The following C3orf52 variants were observed in gnomAD, a reference collection of about 807,000 sequenced individuals.
The protein encoded by C3orf52 is chromosome 3 open reading frame 52, also known as TPA-induced transmembrane protein.
Under a neutral mutation model 24.8 loss-of-function variants are expected in C3orf52, and 22 were observed. The ratio of observed to expected loss-of-function variants is 0.89; its 90% CI spans 0.63 to 1.27. C3orf52 has a LOEUF of 1.27. Among genes scored for constraint, C3orf52 ranks in the 50% most tolerant of loss-of-function variants. The probability of loss-of-function intolerance (pLI) is 0.00; values close to 1 mark genes in which losing one functional copy is unlikely to be tolerated. For synonymous variants in C3orf52, 93 were observed against 100.2 expected (o/e 0.93, Z 0.43); for missense variants, 265 against 260.7 (o/e 1.02, Z -0.11).
At chr3:112,130,388 C>CGAAGT, downstream of C3orf52, 1 of 1,400,018 alleles carries the variant, frequency 7.1e-7, no homozygotes, top group Non-Finnish European at 1.0e-6. Context: ...CAGGGCTTGA[C>CGAAGT]ATACTTCGTT....
Position 112,114,639 on chromosome 3 carries a change from G to T in C3orf52, c.649+1494G>T, listed in dbSNP as rs528218612. Among the ~76,000 whole-genome samples the T allele has an allele frequency of 3.9e-5, 6 of 152,172 alleles. 1 individual carries two copies. The highest frequency in any genetic ancestry group is 3.9e-4 in the Admixed American group (6 of 15,294). Reference sequence around the variant, plus strand: ...GAATCACTTGAACCTGGGAGGCAGAGGTTGCGGTGAGCCGAGATCGCATCA... The same window carrying T: ...GAATCACTTGAACCTGGGAGGCAGATGTTGCGGTGAGCCGAGATCGCATCA... On this transcript the variant is annotated intron_variant, in intron 5 of 5. Coordinates refer to ENST00000264848, the MANE Select transcript of C3orf52 (RefSeq NM_024616.3).
chr3:112,105,162 C>A (rs917370838), intron 3 of C3orf52, among the ~76,000 whole-genome samples: 14 of 152,170 alleles, frequency 9.2e-5, no homozygotes, highest in African/African-American at 3.4e-4. Context: ...GTGGTGGGTC[C>A]ACAGATTTCT....
chr3:112,127,025 A>T, intron 4 of C3orf52: 1 of 1,582,338 alleles, frequency 6.3e-7, no homozygotes, highest in Non-Finnish European at 8.7e-7. Flanking sequence ...AAAAATGAGT[A>T]TTTTTTTCCT....
chr3:112,109,828 G>A, intron 4 of C3orf52: 1 of 436,588 alleles, frequency 2.3e-6, no homozygotes, highest in Non-Finnish European at 4.2e-6. Flanking sequence ...CCAGATTAAT[G>A]GTATAATTCA....
chr3:112,109,843 G>T, intron 4 of C3orf52: 1 of 410,470 alleles, frequency 2.4e-6, no homozygotes, highest in East Asian at 4.0e-5. Flanking sequence ...AATTCAACCA[G>T]GGTCACACAG....
At chr3:112,112,533 C>A (rs1203704494) in intron 4 of C3orf52, 1 of 187,892 alleles carries the variant, frequency 5.3e-6, no homozygotes, top group African/African-American at 2.3e-5. Flanking sequence ...ATATCCCTGG[C>A]ACACCTTTGT....
rs565979410 is a variant in C3orf52, at chr3:112,096,382, A to G, written c.268+2893A>G. On this transcript the variant is annotated intron_variant, in intron 2 of 5. Coordinates refer to ENST00000264848, the MANE Select transcript of C3orf52 (RefSeq NM_024616.3). ...CCCAGGGCTTAAATACCACAGAAAA[A>G]GGGTATGCATGCTTCAGAAGGGATG... Among the ~76,000 whole-genome samples, 4 of 152,316 alleles carry G rather than the reference A, an allele frequency of 2.6e-5. No homozygotes were observed. The East Asian group carries it at 7.7e-4, about 29-fold the overall frequency.
chr3:112,114,577 G>A lies in C3orf52; in HGVS notation c.649+1432G>A, dbSNP rs577185406. Among the ~76,000 whole-genome samples the A allele has an allele frequency of 3.9e-5, 6 of 152,120 alleles. No homozygotes were observed. In the South Asian group the frequency reaches 1.0e-3, roughly 26 times the overall value. On this transcript the variant is annotated intron_variant, in intron 5 of 5. Transcript: ENST00000264848. ...AAATTAGCCGGGCATGGTGGCAGGTGCTTATAATCCCAGCTACTCGGGAGA... is the reference window on the plus strand; with the variant it reads ...AAATTAGCCGGGCATGGTGGCAGGTACTTATAATCCCAGCTACTCGGGAGA...
chr3:112,091,828 C>A, intron 1 of C3orf52, among the ~76,000 whole-genome samples: 1 of 151,936 alleles, frequency 6.6e-6, no homozygotes. Context: ...CACAGTGAAA[C>A]CCCGTCTCTA....
intron 4 of C3orf52, among the ~76,000 whole-genome samples, chr3:112,125,007 AGT>A (rs1387095723): frequency 6.6e-6 from 1 of 152,248 alleles, no homozygotes; most frequent in Non-Finnish European, 1.5e-5. Context: ...TGAAGTGGTC[AGT>A]AAATTTAAGT....
chr3:112,100,165 A>G (rs1038709242), intron 2 of C3orf52, among the ~76,000 whole-genome samples: 1 of 152,008 alleles, frequency 6.6e-6, no homozygotes, highest in Non-Finnish European at 1.5e-5. Context: ...TATCCCATCC[A>G]TGACCACCCG....
At chr3:112,095,957 T>C (rs559132999) in intron 2 of C3orf52, among the ~76,000 whole-genome samples, 3 of 152,298 alleles carry the variant, frequency 2.0e-5, no homozygotes, top group Admixed American at 2.0e-4. Context: ...TGTGGAACTT[T>C]CAAGTACTGC....
intron 1 of C3orf52, among the ~76,000 whole-genome samples, chr3:112,090,090 C>T (rs2073863627): frequency 6.6e-6 from 1 of 152,082 alleles, no homozygotes; most frequent in Non-Finnish European, 1.5e-5. Flanking sequence ...CTTCATGATC[C>T]AGTTTTGAGG....
downstream of C3orf52, chr3:112,133,416 G>C (rs896417353): frequency 1.4e-5 from 5 of 362,800 alleles, no homozygotes; most frequent in African/African-American, 2.1e-5. Flanking sequence ...GGAATCCCAG[G>C]TCTGAAATTA....
intron 1 of C3orf52, among the ~76,000 whole-genome samples, chr3:112,091,239 A>G (rs1181392613): frequency 6.6e-6 from 1 of 152,190 alleles, no homozygotes; most frequent in African/African-American, 2.4e-5. Flanking sequence ...TTAAATGTAT[A>G]TTACTTGTAG....
chr3:112,119,017 GT>G (rs1233839729), downstream of C3orf52, among the ~76,000 whole-genome samples: 3 of 152,168 alleles, frequency 2.0e-5, no homozygotes, highest in Non-Finnish European at 4.4e-5. Flanking sequence ...AAAAGAAGCT[GT>G]TAGTCTTATT....
intron 5 of C3orf52, among the ~76,000 whole-genome samples, chr3:112,116,067 G>A (rs554928215): frequency 6.6e-6 from 1 of 152,250 alleles, no homozygotes; most frequent in Non-Finnish European, 1.5e-5. Context: ...GACTGAGTAG[G>A]GAAAAAGGGC....
At chr3:112,118,829 T>C (rs1487327196), downstream of C3orf52, among the ~76,000 whole-genome samples, 2 of 152,240 alleles carry the variant, frequency 1.3e-5, no homozygotes, top group Non-Finnish European at 2.9e-5. Context: ...CACTTAGATA[T>C]GGATAGAATG....
downstream of C3orf52, chr3:112,121,553 G>A (rs959784160): frequency 2.0e-5 from 3 of 151,634 alleles, no homozygotes; most frequent in South Asian, 2.1e-4. Flanking sequence ...ATGATCTGTC[G>A]CTGGGTCTAC....
Sources: allele counts gnomAD v4.1 joint callset (sites outside exome capture counted in the v4.1 genomes callset), GRCh38; gene constraint gnomAD v4.1.1; transcripts MANE v1.5; gene names NCBI Gene and HGNC (gene_info 2026-07-23, HGNC 2026-07-21).